Variants in ZAR1L observed in about 807,000 individuals in gnomAD.
The protein encoded by ZAR1L is protein ZAR1-like.
Under a neutral mutation model 30.0 loss-of-function variants are expected in ZAR1L, and 16 were observed. The observed-to-expected ratio is 0.53, with a 90% CI of 0.36 to 0.81. The LOEUF (loss-of-function observed/expected upper bound fraction) is 0.81. ZAR1L is among the 30% of genes least tolerant of loss of function. The pLI, the probability that ZAR1L is intolerant of heterozygous loss-of-function variation, is 0.00. For synonymous variants in ZAR1L, 197 were observed against 166.8 expected (o/e 1.18, Z -1.40); for missense variants, 392 against 417.2 (o/e 0.94, Z 0.53).
chr13:32,313,226 G>A (rs184420277), intron 2 of ZAR1L, among the ~76,000 whole-genome samples: 188 of 152,290 alleles, frequency 1.2e-3, no homozygotes, highest in African/African-American at 4.2e-3. Flanking sequence ...TGCTCTCACC[G>A]CACACAAAAG....
intron 4 of ZAR1L, among the ~76,000 whole-genome samples, chr13:32,309,938 G>A (rs1255431672): frequency 6.6e-6 from 1 of 152,168 alleles, no homozygotes; most frequent in East Asian, 1.9e-4. Flanking sequence ...ACAGTCCTTT[G>A]GCCAGTAAGG....
chr13:32,311,682 G>A lies in ZAR1L; in HGVS notation c.244C>T (p.Arg82Trp), dbSNP rs530659850. The change falls in exon 3 of 6, where the codon CGG becomes TGG. Residue 82 changes from arginine (R) to tryptophan (W), a missense_variant. Transcript: ENST00000533490. ...LSQMNPSLSP[R>W]LCKPNTKEVG... Reference sequence around the variant, plus strand: ...TCCTTGGTGTTGGGCTTGCACAGCCGCGGGCTCAGGCTGGGGTTCATCTGG... The same window carrying A: ...TCCTTGGTGTTGGGCTTGCACAGCCACGGGCTCAGGCTGGGGTTCATCTGG... 1.9e-6 allele frequency: 3 copies of A among 1,551,632 alleles called. No individual in the cohort carries two copies. Among genetic ancestry groups the A allele is most frequent in the East Asian group, 2.4e-5 (1 of 40,924 alleles).
chr13:32,310,345 C>T (rs1400497334), intron 4 of ZAR1L, among the ~76,000 whole-genome samples: 1 of 152,226 alleles, frequency 6.6e-6, no homozygotes, highest in East Asian at 1.9e-4. Context: ...CTGTTCCAAG[C>T]ATACCAACTA....
chr13:32,312,741 G>T (rs777958443), intron 2 of ZAR1L, among the ~76,000 whole-genome samples: 4 of 152,124 alleles, frequency 2.6e-5, no homozygotes, highest in Non-Finnish European at 5.9e-5. Flanking sequence ...AGCCGGGTAT[G>T]GTGGCACGCT....
chr13:32,313,174 T>A (rs2072226534), intron 2 of ZAR1L, among the ~76,000 whole-genome samples: 1 of 152,162 alleles, frequency 6.6e-6, no homozygotes, highest in South Asian at 2.1e-4. Context: ...CAGTTAACAA[T>A]ACTGTATTTT....
At chr13:32,304,057 G>A (rs979840385) in intron 5 of ZAR1L, 35 bp from the exon 6 acceptor site, 5 of 1,542,932 alleles carry the variant, frequency 3.2e-6, no homozygotes, top group Admixed American at 2.0e-5. Flanking sequence ...GACGCTAAAT[G>A]ATCAGTTTAG....
intron 5 of ZAR1L, among the ~76,000 whole-genome samples, chr13:32,307,360 A>G (rs382907): frequency 0.98 from 149,428 of 151,910 alleles, 73,543 homozygotes; most frequent in East Asian, 1. Context: ...TTAGCCAGGC[A>G]TGGTAGCAGG....
intron 4 of ZAR1L, among the ~76,000 whole-genome samples, chr13:32,309,666 C>G (rs751498940): frequency 1.3e-5 from 2 of 152,214 alleles, no homozygotes; most frequent in Admixed American, 6.5e-5. Context: ...AAGAAGGATG[C>G]TACTGCACGT....
At position 32,311,280 on chromosome 13, in the gene ZAR1L, T is replaced by C. The variant is rs1289096514; in HGVS notation, c.646A>G (p.Asn216Asp). The C allele has an allele frequency of 1.3e-6, 2 of 1,548,438 alleles. No homozygotes were observed. Among genetic ancestry groups the C allele is most frequent in the South Asian group, 1.2e-5 (1 of 83,822 alleles). The change falls in exon 3 of 6, where the codon AAC (asparagine) becomes GAC (aspartate). Residue 216 changes from asparagine to aspartate, a missense_variant. Asn to Asp is a conservative substitution (Grantham distance 23). Coordinates refer to ENST00000533490, the MANE Select transcript of ZAR1L (RefSeq NM_001136571.2). ...GGGAAGAGAGGATCTACCTGGAAGTTGGGCCTCCGGAGCGGCTCGGAGGCG... is the reference window on the plus strand; with the variant it reads ...GGGAAGAGAGGATCTACCTGGAAGTCGGGCCTCCGGAGCGGCTCGGAGGCG... ...DAASEPLRRP[N>D]FQFLEPKYGY... is the part of the protein sequence containing the mutation.
chr13:32,304,809 C>CCT (rs2072161863), intron 5 of ZAR1L, among the ~76,000 whole-genome samples: 1 of 136,130 alleles, frequency 7.3e-6, no homozygotes, highest in Non-Finnish European at 1.6e-5. Context: ...CAAGATTTAC[C>CCT]TTTTTTTTTT....
chr13:32,306,930 C>CAAAAAAAAAAAAAA (rs369500221), intron 5 of ZAR1L, among the ~76,000 whole-genome samples: 2 of 59,080 alleles, frequency 3.4e-5, no homozygotes, highest in African/African-American at 1.6e-4. Flanking sequence ...GACTCTATCT[C>CAAAAAAAAAAAAAA]AAAAAAAAAA....
chr13:32,310,037 C>G (rs555158299), intron 4 of ZAR1L, among the ~76,000 whole-genome samples: 1 of 152,174 alleles, frequency 6.6e-6, no homozygotes, highest in Non-Finnish European at 1.5e-5. Flanking sequence ...TGTTGCAAAA[C>G]GAGGTGCACA....
At chr13:32,309,551 T>C (rs1264962933) in intron 4 of ZAR1L, among the ~76,000 whole-genome samples, 1 of 152,220 alleles carries the variant, frequency 6.6e-6, no homozygotes, top group African/African-American at 2.4e-5. Context: ...TGGTGAACTC[T>C]TCCTCCTATT....
Position 32,311,238 on chromosome 13 carries a change from G to A in ZAR1L, c.654+34C>T, listed in dbSNP as rs778890019. ...GAAAAGGAGGGAGGGGATGAGGCTG[G>A]TCGAGGACTAAGAAGAGGGAAGAGA... On this transcript the variant is annotated intron_variant, in intron 3 of 5. Coordinates refer to ENST00000533490, the MANE Select transcript of ZAR1L (RefSeq NM_001136571.2). 6 of 1,514,214 alleles carry A rather than the reference G, an allele frequency of 4.0e-6. No individual in the cohort carries two copies. In the African/African-American group the frequency reaches 5.5e-5, roughly 14 times the overall value. 93.8% of individuals were successfully genotyped at this position (1,514,214 alleles called of 1,614,324 possible).
chr13:32,312,166 A>G, intron 2 of ZAR1L, 73 bp from the exon 3 acceptor site: 1 of 478,714 alleles, frequency 2.1e-6, no homozygotes, highest in Non-Finnish European at 3.6e-6. Context: ...GCTTTTCCCT[A>G]CCTCTTCACT....
Position 32,311,608 on chromosome 13 carries a change from AG to A in ZAR1L, c.317del (p.Ser106PhefsTer37). On this transcript the variant is annotated frameshift_variant, in exon 3 of 6. Coordinates refer to ENST00000533490, the MANE Select transcript of ZAR1L (RefSeq NM_001136571.2). LOFTEE classifies it high-confidence loss of function. ...AGCTGCTGAGGGTGCGAGGCCCCAG[AG>A]AGCACTGCACAGCCTTGTCCACCCG... ...SPRVDKAVQCSLGPRTLSSCS... is the reference protein window; with the variant it reads ...SPRVDKAVQCXLGPRTLSSCS... 1 of 1,549,344 alleles carries A rather than the reference AG, an allele frequency of 6.5e-7. No homozygotes were observed. Among genetic ancestry groups the A allele is most frequent in the Non-Finnish European group, 8.7e-7 (1 of 1,145,984 alleles).
Position 32,314,464 on chromosome 13 carries a change from G to T in ZAR1L, c.-303C>A, listed in dbSNP as rs1264419588. Reference sequence around the variant, plus strand: ...CTTACAACAAACCCTATTCAGCCTTGTATTAGGCATGTTACAGAACCAACG... The same window carrying T: ...CTTACAACAAACCCTATTCAGCCTTTTATTAGGCATGTTACAGAACCAACG... On this transcript the variant is annotated 5_prime_UTR_variant, in exon 2 of 6. Transcript: ENST00000533490. The T allele has an allele frequency of 6.6e-6, 1 of 152,270 alleles. No individual in the cohort carries two copies. The highest frequency in any genetic ancestry group is 6.5e-5 in the Admixed American group (1 of 15,278). 9.4% of individuals were successfully genotyped at this position (152,270 alleles called of 1,614,324 possible). A position where few individuals can be genotyped will look rare whatever the true frequency, so the allele number is the denominator to read the frequency against.
intron 1 of ZAR1L, 60 bp from the exon 2 acceptor site, chr13:32,314,610 G>C (rs1392141393): frequency 6.6e-6 from 1 of 152,406 alleles, no homozygotes; most frequent in Non-Finnish European, 1.5e-5. Flanking sequence ...CAGCGCTTTG[G>C]GAGGCCGAGG....
In ZAR1L at chr13:32,310,510, T is replaced by C. The variant is rs142690293; in HGVS notation, c.747+129A>G. Reference sequence around the variant, plus strand: ...ATTCACTGAGCACTTCCTGTACACCTGGCACGGGGGATGCCACCAAGATCA... The same window carrying C: ...ATTCACTGAGCACTTCCTGTACACCCGGCACGGGGGATGCCACCAAGATCA... On this transcript the variant is annotated intron_variant, in intron 4 of 5. Coordinates refer to ENST00000533490, the MANE Select transcript of ZAR1L (RefSeq NM_001136571.2). 1,396 of 672,326 alleles carry C rather than the reference T, an allele frequency of 2.1e-3. 24 individuals are homozygous for C. The East Asian group carries it at 0.031, about 15-fold the overall frequency. 41.6% of individuals were successfully genotyped at this position (672,326 alleles called of 1,614,324 possible). A position where few individuals can be genotyped will look rare whatever the true frequency, so the allele number is the denominator to read the frequency against.
Sources: gnomAD v4.1 joint callset for allele counts (sites outside exome capture counted in the v4.1 genomes callset) on GRCh38, gnomAD v4.1.1 for gene constraint, MANE v1.5 for transcripts, NCBI Gene and HGNC (gene_info 2026-07-23, HGNC 2026-07-21) for gene names.